Variants in EPB41L3 observed in about 807,000 individuals in gnomAD.
The protein encoded by EPB41L3 is band 4.1-like protein 3.
EPB41L3 carries 57 observed loss-of-function variants against 127.1 expected under a neutral mutation model. The observed-to-expected ratio is 0.45, with a 90% CI of 0.36 to 0.56. EPB41L3 has a LOEUF of 0.56. Ranked by LOEUF, EPB41L3 falls within the 20% of genes least tolerant of loss-of-function variation. EPB41L3 has a pLI of 0.00. For missense variants in EPB41L3, 1,273 were observed against 1,372.2 expected (o/e 0.93, Z 1.14); for synonymous variants, 572 against 549.5 (o/e 1.04, Z -0.57).
At chr18:5,475,379 C>G (rs894936104) in intron 3 of EPB41L3, among the ~76,000 whole-genome samples, 36 of 135,950 alleles carry the variant, frequency 2.6e-4, no homozygotes, top group African/African-American at 8.2e-4. Context: ...CTTGAAACCA[C>G]ATGGGTTACC....
intron 3 of EPB41L3, among the ~76,000 whole-genome samples, chr18:5,606,970 T>C (rs1297262855): frequency 6.7e-6 from 1 of 149,582 alleles, no homozygotes; most frequent in Non-Finnish European, 1.5e-5. Flanking sequence ...TACAAAGAAA[T>C]AATACAGGAA....
At chr18:5,426,755 C>T (rs562426827) in intron 9 of EPB41L3, among the ~76,000 whole-genome samples, 1 of 152,234 alleles carries the variant, frequency 6.6e-6, no homozygotes, top group Non-Finnish European at 1.5e-5. Context: ...AATCCCTTAA[C>T]AAGGAACAAG....
chr18:5,499,671 G>T (rs909857419), intron 1 of EPB41L3, among the ~76,000 whole-genome samples: 1 of 151,902 alleles, frequency 6.6e-6, no homozygotes, highest in Non-Finnish European at 1.5e-5. Context: ...GAAGGCTGAG[G>T]CAGGACAATG....
At chr18:5,436,803 T>C (rs1057026428) in intron 6 of EPB41L3, among the ~76,000 whole-genome samples, 1 of 152,216 alleles carries the variant, frequency 6.6e-6, no homozygotes, top group African/African-American at 2.4e-5. Flanking sequence ...CTAAAAACTA[T>C]CTTTAAATAA....
At chr18:5,630,296 GCCCGCA>G, upstream of EPB41L3, 1 of 502,912 alleles carries the variant, frequency 2.0e-6, no homozygotes, top group South Asian at 1.4e-5. Context: ...AGGGCAGGCG[GCCCGCA>G]CCCGCGCCCC....
At chr18:5,627,498 G>C (rs2094934802) in intron 1 of EPB41L3, among the ~76,000 whole-genome samples, 1 of 152,140 alleles carries the variant, frequency 6.6e-6, no homozygotes, top group African/African-American at 2.4e-5. Context: ...TATTTGAAGT[G>C]ATTTCACCAA....
At chr18:5,513,373 G>T (rs1233768852) in intron 1 of EPB41L3, among the ~76,000 whole-genome samples, 1 of 152,148 alleles carries the variant, frequency 6.6e-6, no homozygotes, top group Non-Finnish European at 1.5e-5. Flanking sequence ...CAAATTTGAA[G>T]TACCTAGAAA....
At chr18:5,624,285 G>A (rs2094898281) in intron 1 of EPB41L3, among the ~76,000 whole-genome samples, 1 of 152,136 alleles carries the variant, frequency 6.6e-6, no homozygotes, top group Non-Finnish European at 1.5e-5. Flanking sequence ...GTGAGCCACG[G>A]TGTCTGGCCT....
intron 1 of EPB41L3, among the ~76,000 whole-genome samples, chr18:5,511,196 G>A (rs539235272): frequency 6.6e-6 from 1 of 152,046 alleles, no homozygotes; most frequent in South Asian, 2.1e-4. Context: ...TGCCTGCAGT[G>A]AAATTCTGGT....
chr18:5,520,701 T>C (rs2092954491), intron 1 of EPB41L3, among the ~76,000 whole-genome samples: 1 of 151,982 alleles, frequency 6.6e-6, no homozygotes, highest in Non-Finnish European at 1.5e-5. Context: ...CATGAGGGGA[T>C]CATTAAATCA....
chr18:5,418,355 G>A lies in EPB41L3; in HGVS notation c.1506+1356C>T, dbSNP rs537290258. ...AAAAGCAAATAAAGTGAAAATGTCC[G>A]GCCTTATCTTGGGAGCAAAACTAAA... On this transcript the variant is annotated intron_variant, in intron 12 of 22. Coordinates refer to ENST00000341928, the MANE Select transcript of EPB41L3 (RefSeq NM_012307.5). Among the ~76,000 whole-genome samples, 5 of 152,246 alleles carry A rather than the reference G, an allele frequency of 3.3e-5. No individual in the cohort carries two copies. In the South Asian group the frequency reaches 8.3e-4, roughly 25 times the overall value.
At chr18:5,559,639 TAA>T (rs1386579810) in intron 3 of EPB41L3, among the ~76,000 whole-genome samples, 1 of 152,190 alleles carries the variant, frequency 6.6e-6, no homozygotes, top group Non-Finnish European at 1.5e-5. Context: ...ATTCCACAAA[TAA>T]ACTTATGGAT....
chr18:5,433,042 G>A (rs2079210303), intron 8 of EPB41L3, among the ~76,000 whole-genome samples: 2 of 152,170 alleles, frequency 1.3e-5, no homozygotes, highest in East Asian at 3.9e-4. Context: ...GAAAGAGGAG[G>A]ATAGTCCAGA....
chr18:5,465,450 T>C (rs1245159337), intron 3 of EPB41L3, among the ~76,000 whole-genome samples: 1 of 152,182 alleles, frequency 6.6e-6, no homozygotes, highest in Non-Finnish European at 1.5e-5. Flanking sequence ...GCGATAAAAG[T>C]AAATCTCTAA....
intron 16 of EPB41L3, among the ~76,000 whole-genome samples, chr18:5,402,855 GT>G (rs1007725697): frequency 1.3e-5 from 2 of 152,090 alleles, no homozygotes; most frequent in Non-Finnish European, 2.9e-5. Flanking sequence ...GTGATTAAAG[GT>G]TTCTACAAAT....
At position 5,426,495 on chromosome 18, in the gene EPB41L3, C is replaced by T. The variant is rs558503470; in HGVS notation, c.1065+1818G>A. 2.6e-5 allele frequency among the ~76,000 whole-genome samples: 4 copies of T among 152,280 alleles called. No homozygotes were observed. In the South Asian group the frequency reaches 8.3e-4, roughly 32 times the overall value. ...CCACAGCCTCTGCCCTAGTTTAGGTCTTATCACATCATGTTTCTAAGTCGT... is the reference window on the plus strand; with the variant it reads ...CCACAGCCTCTGCCCTAGTTTAGGTTTTATCACATCATGTTTCTAAGTCGT... On this transcript the variant is annotated intron_variant, in intron 9 of 22. Transcript: ENST00000341928.
At chr18:5,517,669 C>T (rs2092804922) in intron 1 of EPB41L3, among the ~76,000 whole-genome samples, 2 of 152,148 alleles carry the variant, frequency 1.3e-5, no homozygotes. Flanking sequence ...AACTCCTGAC[C>T]TCAAGCAATC....
rs777687033 is a variant in EPB41L3, at chr18:5,580,619, CAT to C, written c.-306+31719_-306+31720del. ...TAGTATCAACACATATTCATACACA[CAT>C]ATATATATAGATACATGCTCATGCA... On this transcript the variant is annotated intron_variant, in intron 3 of 21. Transcript: ENST00000545076. Among the ~76,000 whole-genome samples the C allele has an allele frequency of 2.1e-3, 317 of 152,044 alleles. 1 individual carries two copies. Among genetic ancestry groups the C allele is most frequent in the African/African-American group, 6.3e-3 (260 of 41,478 alleles).
chr18:5,405,025 C>T (rs1471158112), intron 16 of EPB41L3, among the ~76,000 whole-genome samples: 2 of 152,134 alleles, frequency 1.3e-5, no homozygotes, highest in African/African-American at 4.8e-5. Context: ...TGGTGGTAGT[C>T]GTACTTTTCA....
Sources: gnomAD v4.1 joint callset for allele counts (sites outside exome capture counted in the v4.1 genomes callset) on GRCh38, gnomAD v4.1.1 for gene constraint, MANE v1.5 for transcripts, NCBI Gene and HGNC (gene_info 2026-07-23, HGNC 2026-07-21) for gene names.